The following FYB1 variants were observed in gnomAD, a reference collection of about 807,000 sequenced individuals.
FYB1 encodes the protein FYN binding protein 1.
Under a neutral mutation model 94.1 loss-of-function variants are expected in FYB1, and 41 were observed. That is an observed-to-expected ratio of 0.44 (90% confidence interval 0.34 to 0.57). The LOEUF is 0.57. Ranked by LOEUF, FYB1 falls within the 20% of genes least tolerant of loss-of-function variation. The probability of loss-of-function intolerance (pLI) is 0.02; values close to 1 mark genes in which losing one functional copy is unlikely to be tolerated. For synonymous variants in FYB1, 367 were observed against 353.2 expected (o/e 1.04, Z -0.44); for missense variants, 1,050 against 976.8 (o/e 1.07, Z -1.00).
In FYB1 at chr5:39,108,280, A is replaced by G. The variant is rs1738713667; in HGVS notation, c.2436-18T>C. 1.3e-6 allele frequency: 2 copies of G among 1,517,908 alleles called. No individual in the cohort carries two copies. Among genetic ancestry groups the G allele is most frequent in the African/African-American group, 1.4e-5 (1 of 72,002 alleles). The allele number at this position is 1,517,908 out of a possible 1,614,324, so 94.0% of individuals were successfully genotyped here. ...CTCCATCACTGTAAATGTAAAAAAAAATTTTTATTTTAAAGAAACTATGTT... is the reference window on the plus strand; with the variant it reads ...CTCCATCACTGTAAATGTAAAAAAAGATTTTTATTTTAAAGAAACTATGTT... On this transcript the variant is annotated intron_variant, in intron 17 of 18. Coordinates refer to ENST00000512982, the MANE Select transcript of FYB1 (RefSeq NM_001465.6).
upstream of FYB1, among the ~76,000 whole-genome samples, chr5:39,220,178 G>A (rs1052728631): frequency 6.6e-6 from 1 of 152,076 alleles, no homozygotes; most frequent in Admixed American, 6.6e-5. Context: ...GAAGGCTGAG[G>A]CAGGAGGATT....
In FYB1 at chr5:39,202,766, T is replaced by G. The variant is rs763605972; in HGVS notation, c.195A>C (p.Ala65=). 1 of 1,613,998 alleles carries G rather than the reference T, an allele frequency of 6.2e-7. No individual in the cohort carries two copies. Among genetic ancestry groups the G allele is most frequent in the Non-Finnish European group, 8.5e-7 (1 of 1,179,872 alleles). The stretch of plus-strand genomic sequence containing the variant: ...GCTTTTCCTCAGAAGAAGGTTTGAC[T>G]GCCACAGGTGGCTTTGGGGACCCAA... The part of the protein sequence containing the change: ...PKFGSPKPPV[A]VKPSSEEKPD... The change falls in exon 2 of 19, where the codon GCA becomes GCC. Residue 65 remains alanine (A), a synonymous_variant. Transcript: ENST00000512982.
chr5:39,249,747 A>T (rs1751636206), intron 1 of FYB1, among the ~76,000 whole-genome samples: 2 of 152,190 alleles, frequency 1.3e-5, no homozygotes, highest in Admixed American at 1.3e-4. Context: ...TCAGAAGGTG[A>T]GGGATGCACT....
intron 1 of FYB1, among the ~76,000 whole-genome samples, chr5:39,269,270 C>T (rs935161855): frequency 4.6e-5 from 7 of 151,466 alleles, no homozygotes; most frequent in South Asian, 2.1e-4. Context: ...AGGATGGTCT[C>T]GATCTCCTGA....
At chr5:39,119,743 T>G (rs1739913516) in intron 14 of FYB1, 109 bp from the exon 15 acceptor site, 2 of 1,249,900 alleles carry the variant, frequency 1.6e-6, no homozygotes, top group Admixed American at 4.0e-5. Flanking sequence ...TTGTTTCAGT[T>G]AATTCTTTTT....
At chr5:39,167,269 C>G (rs915383943) in intron 2 of FYB1, among the ~76,000 whole-genome samples, 1 of 150,872 alleles carries the variant, frequency 6.6e-6, no homozygotes, top group Admixed American at 6.8e-5. Context: ...CTCTCTCTCT[C>G]TGTCTCTCTC....
chr5:39,202,071 C>G lies in FYB1; in HGVS notation c.890G>C (p.Ser297Thr). 2 of 1,614,028 alleles carry G rather than the reference C, an allele frequency of 1.2e-6. No individual in the cohort carries two copies. The highest frequency in any genetic ancestry group is 1.7e-6 in the Non-Finnish European group (2 of 1,179,896). Residue 297 changes from serine (S) to threonine (T), a missense_variant, in exon 2 of 19, where the codon AGC (serine) becomes ACC (threonine). Physicochemically the swap from Ser to Thr is moderately conservative, Grantham distance 58. Coordinates refer to ENST00000512982, the MANE Select transcript of FYB1 (RefSeq NM_001465.6). ...KIDAAKNTFQ[S>T]KINQEELASG... ...GGCCAACTCTTCCTGATTTATTTTG[C>G]TCTGGAAGGTGTTCTTAGCAGCATC...
At chr5:39,194,312 G>C (rs1274743392) in intron 2 of FYB1, among the ~76,000 whole-genome samples, 1 of 152,128 alleles carries the variant, frequency 6.6e-6, no homozygotes, top group Non-Finnish European at 1.5e-5. Context: ...TTTGAGGCCA[G>C]GAGTTTTAGA....
At chr5:39,253,732 T>C (rs1751826535) in intron 1 of FYB1, among the ~76,000 whole-genome samples, 1 of 152,218 alleles carries the variant, frequency 6.6e-6, no homozygotes, top group African/African-American at 2.4e-5. Flanking sequence ...ATGTATAGGA[T>C]TGTTACATAG....
At chr5:39,250,319 T>G (rs986488979) in intron 1 of FYB1, among the ~76,000 whole-genome samples, 5 of 152,040 alleles carry the variant, frequency 3.3e-5, no homozygotes, top group Admixed American at 6.6e-5. Context: ...AAATACAAAG[T>G]GTGATTCAAA....
At chr5:39,156,645 G>C (rs1047214143) in intron 2 of FYB1, among the ~76,000 whole-genome samples, 7 of 152,086 alleles carry the variant, frequency 4.6e-5, no homozygotes, top group Non-Finnish European at 7.4e-5. Context: ...TTGCAAAACG[G>C]GTGGTCACTT....
At chr5:39,148,441 A>G (rs1211019602) in intron 3 of FYB1, among the ~76,000 whole-genome samples, 1 of 115,900 alleles carries the variant, frequency 8.6e-6, no homozygotes, top group Non-Finnish European at 1.6e-5. Flanking sequence ...AGAAATCTAC[A>G]TGACACATTA....
intron 1 of FYB1, among the ~76,000 whole-genome samples, chr5:39,203,764 T>C (rs998724430): frequency 2.0e-5 from 3 of 152,124 alleles, no homozygotes; most frequent in Admixed American, 2.0e-4. Context: ...TTTCCAGACC[T>C]TTCTTTCCAC....
rs561854805 is a variant in FYB1, at chr5:39,124,385, G to A, written c.2046-107C>T. The A allele has an allele frequency of 1.2e-5, 7 of 596,078 alleles. No individual in the cohort carries two copies. In the Admixed American group the frequency reaches 1.7e-4, roughly 14 times the overall value. 36.9% of individuals were successfully genotyped at this position (596,078 alleles called of 1,614,324 possible). ...GGGCAATAGCCTAGAGGCATATTGGGTTACTTCATCTGTTGACCATCATTT... is the reference window on the plus strand; with the variant it reads ...GGGCAATAGCCTAGAGGCATATTGGATTACTTCATCTGTTGACCATCATTT... On this transcript the variant is annotated intron_variant, in intron 12 of 18. Coordinates refer to ENST00000512982, the MANE Select transcript of FYB1 (RefSeq NM_001465.6).
In FYB1 at chr5:39,122,319, G is replaced by C. The variant is rs1428323932; in HGVS notation, c.2138+17C>G. 6.7e-7 allele frequency: 1 copy of C among 1,491,692 alleles called. No individual in the cohort carries two copies. Among genetic ancestry groups the C allele is most frequent in the Non-Finnish European group, 9.2e-7 (1 of 1,088,184 alleles). The allele number at this position is 1,491,692 out of a possible 1,614,324, so 92.4% of individuals were successfully genotyped here. On this transcript the variant is annotated intron_variant, in intron 14 of 18. Coordinates refer to ENST00000512982, the MANE Select transcript of FYB1 (RefSeq NM_001465.6). ...CTCATTTTCATTACTTCATTGTAAT[G>C]AAAGCATTTTAATTACCTCATCTCT...
At chr5:39,230,572 A>G (rs543638475) in intron 1 of FYB1, among the ~76,000 whole-genome samples, 2 of 151,950 alleles carry the variant, frequency 1.3e-5, no homozygotes, top group Admixed American at 6.6e-5. Context: ...ATTTCTGTAT[A>G]TGTGTGTGTG....
At chr5:39,235,422 G>A (rs1750916578) in intron 1 of FYB1, among the ~76,000 whole-genome samples, 1 of 152,076 alleles carries the variant, frequency 6.6e-6, no homozygotes, top group Non-Finnish European at 1.5e-5. Flanking sequence ...TGATGCAGAT[G>A]TCATCCACAG....
chr5:39,124,599 G>C (rs537820928), intron 12 of FYB1, among the ~76,000 whole-genome samples: 3 of 152,256 alleles, frequency 2.0e-5, no homozygotes, highest in African/African-American at 7.2e-5. Context: ...ATAATATCAA[G>C]CCAGAGTAAA....
At position 39,134,279 on chromosome 5, in the gene FYB1, A is replaced by G; in HGVS notation, c.1746T>C (p.Gly582=). The G allele has an allele frequency of 6.2e-7, 1 of 1,610,540 alleles. No individual in the cohort carries two copies. Among genetic ancestry groups the G allele is most frequent in the Non-Finnish European group, 8.5e-7 (1 of 1,176,890 alleles). Reference sequence around the variant, plus strand: ...CATCTTCAATAGGTCTTGAAGGGGCACCAAGAGAGTCTTTTTTCAGTTTCA... The same window carrying G: ...CATCTTCAATAGGTCTTGAAGGGGCGCCAAGAGAGTCTTTTTTCAGTTTCA... The part of the protein sequence containing the change: ...DSLKLKKDSL[G]APSRPIEDDQ... Residue 582 remains glycine, a synonymous_variant, in exon 9 of 19, where the codon GGT becomes GGC. Coordinates refer to ENST00000512982, the MANE Select transcript of FYB1 (RefSeq NM_001465.6).
Sources: allele counts gnomAD v4.1 joint callset (sites outside exome capture counted in the v4.1 genomes callset), GRCh38; gene constraint gnomAD v4.1.1; transcripts MANE v1.5; gene names NCBI Gene and HGNC (gene_info 2026-07-23, HGNC 2026-07-21).